ATG7: variants seen among roughly 807,000 people sequenced by gnomAD.
ATG7 encodes autophagy related 7.
In ATG7, 70 loss-of-function variants were observed where a neutral mutation model predicts 82.4. The ratio of observed to expected loss-of-function variants is 0.85; its 90% CI spans 0.70 to 1.04. The LOEUF is 1.04. Ranked by LOEUF, ATG7 falls within the 50% of genes least tolerant of loss-of-function variation. The probability of loss-of-function intolerance (pLI) is 0.00; values close to 1 mark genes in which losing one functional copy is unlikely to be tolerated. For missense variants in ATG7, 792 were observed against 864.3 expected (o/e 0.92, Z 1.05); for synonymous variants, 287 against 313.0 (o/e 0.92, Z 0.88).
chr3:11,461,073 T>G (rs912150671), intron 20 of ATG7, among the ~76,000 whole-genome samples: 1 of 152,214 alleles, frequency 6.6e-6, no homozygotes, highest in Non-Finnish European at 1.5e-5. Context: ...TGGGTCAATA[T>G]TTTAGAATTT....
At chr3:11,321,126 C>T (rs1277887644) in intron 9 of ATG7, among the ~76,000 whole-genome samples, 1 of 152,180 alleles carries the variant, frequency 6.6e-6, no homozygotes, top group Non-Finnish European at 1.5e-5. Context: ...TAGAAAAATC[C>T]ACATGTGCAC....
chr3:11,449,422 A>C (rs1050018341), intron 20 of ATG7, among the ~76,000 whole-genome samples: 1 of 152,196 alleles, frequency 6.6e-6, no homozygotes, highest in African/African-American at 2.4e-5. Flanking sequence ...AAGGCCCCAG[A>C]GTCTTCACTA....
At chr3:11,462,069 G>A (rs2086362964) in intron 20 of ATG7, among the ~76,000 whole-genome samples, 1 of 151,924 alleles carries the variant, frequency 6.6e-6, no homozygotes. Flanking sequence ...CTGAATCTAA[G>A]GGACAACTCC....
Position 11,387,030 on chromosome 3 carries a change from C to T in ATG7, c.1956+6978C>T, listed in dbSNP as rs143911108. On this transcript the variant is annotated intron_variant, in intron 19 of 20. Transcript: ENST00000693202. Reference sequence around the variant, plus strand: ...TTCCCAGGGAAATTGCAATGGCTGACGTGTATCCAGTTCCCTGTGGCCAAG... The same window carrying T: ...TTCCCAGGGAAATTGCAATGGCTGATGTGTATCCAGTTCCCTGTGGCCAAG... Among the ~76,000 whole-genome samples the T allele has an allele frequency of 6.1e-3, 933 of 152,344 alleles. 7 individuals carry two copies. The highest frequency in any genetic ancestry group is 0.02 in the African/African-American group (833 of 41,580).
intron 1 of ATG7, chr3:11,272,716 A>G (rs1940735845): frequency 6.6e-6 from 1 of 152,370 alleles, no homozygotes. Flanking sequence ...CTTGGTAGGC[A>G]GTGCTCAGAA....
intron 20 of ATG7, among the ~76,000 whole-genome samples, chr3:11,458,103 T>C (rs116235353): frequency 1.6e-4 from 24 of 152,268 alleles, no homozygotes; most frequent in African/African-American, 5.5e-4. Context: ...TGTCTTGTTT[T>C]CAAAACAGCC....
chr3:11,421,856 A>G (rs1425878660), intron 19 of ATG7, among the ~76,000 whole-genome samples: 2 of 152,240 alleles, frequency 1.3e-5, no homozygotes, highest in Non-Finnish European at 2.9e-5. Context: ...CTTAGCATGC[A>G]TGAAAACAAC....
chr3:11,416,108 G>T (rs554981459), intron 19 of ATG7, among the ~76,000 whole-genome samples: 2 of 152,238 alleles, frequency 1.3e-5, no homozygotes, highest in East Asian at 3.9e-4. Flanking sequence ...CATTGGATTC[G>T]ATTTGCTAAT....
At chr3:11,483,072 T>C (rs1435564254) in intron 20 of ATG7, among the ~76,000 whole-genome samples, 5 of 152,134 alleles carry the variant, frequency 3.3e-5, no homozygotes, top group Non-Finnish European at 7.3e-5. Flanking sequence ...ATTTAATATG[T>C]AAGAATGCAA....
intron 20 of ATG7, among the ~76,000 whole-genome samples, chr3:11,531,994 T>C (rs973165976): frequency 6.6e-6 from 1 of 152,114 alleles, no homozygotes. Context: ...CAGAATCTTC[T>C]CTTAGAAAAT....
At chr3:11,370,045 GATAAT>G (rs777192322) in intron 18 of ATG7, among the ~76,000 whole-genome samples, 2 of 151,052 alleles carry the variant, frequency 1.3e-5, no homozygotes, top group Non-Finnish European at 2.9e-5. Flanking sequence ...GTAAAATGGG[GATAAT>G]ATAATAAGCT....
At chr3:11,536,987 G>T (rs1191347340) in intron 20 of ATG7, among the ~76,000 whole-genome samples, 1 of 152,052 alleles carries the variant, frequency 6.6e-6, no homozygotes, top group Non-Finnish European at 1.5e-5. Flanking sequence ...CCATGATCTT[G>T]TCGCTTCCTG....
intron 20 of ATG7, among the ~76,000 whole-genome samples, chr3:11,475,908 C>CACACACA (rs59230356): frequency 6.9e-6 from 1 of 145,558 alleles, no homozygotes; most frequent in African/African-American, 2.6e-5. Context: ...CACACACACA[C>CACACACA]CCCCTCCCAG....
intron 19 of ATG7, among the ~76,000 whole-genome samples, chr3:11,387,264 G>A (rs1443785086): frequency 6.6e-6 from 1 of 152,226 alleles, no homozygotes; most frequent in Non-Finnish European, 1.5e-5. Context: ...TTCCGTTCAT[G>A]TCTCTTGACA....
At chr3:11,467,884 A>T (rs1397127427) in intron 20 of ATG7, among the ~76,000 whole-genome samples, 1 of 152,138 alleles carries the variant, frequency 6.6e-6, no homozygotes, top group African/African-American at 2.4e-5. Flanking sequence ...TTACCTTTGA[A>T]TTTTTTTGCC....
chr3:11,280,289 T>G (rs983098892), intron 1 of ATG7, among the ~76,000 whole-genome samples: 2 of 152,144 alleles, frequency 1.3e-5, no homozygotes, highest in African/African-American at 4.8e-5. Flanking sequence ...ATGATATTAG[T>G]CCTGCTTTTT....
At chr3:11,371,291 A>G (rs2076978314) in intron 18 of ATG7, among the ~76,000 whole-genome samples, 1 of 151,124 alleles carries the variant, frequency 6.6e-6, no homozygotes, top group Non-Finnish European at 1.5e-5. Context: ...ACAGGCAGAA[A>G]CAATGGCTGG....
At chr3:11,300,533 A>G (rs1369523467) in intron 5 of ATG7, among the ~76,000 whole-genome samples, 1 of 152,194 alleles carries the variant, frequency 6.6e-6, no homozygotes, top group Non-Finnish European at 1.5e-5. Context: ...GGTTTAGAAT[A>G]TGTTGAGTTT....
chr3:11,306,386 T>C (rs1025876242), intron 5 of ATG7, among the ~76,000 whole-genome samples: 1 of 152,178 alleles, frequency 6.6e-6, no homozygotes, highest in African/African-American at 2.4e-5. Context: ...TGCTGAGTTT[T>C]ATGTGCCAAC....
Sources: gnomAD v4.1 joint callset for allele counts (sites outside exome capture counted in the v4.1 genomes callset) on GRCh38, gnomAD v4.1.1 for gene constraint, MANE v1.5 for transcripts, NCBI Gene and HGNC (gene_info 2026-07-23, HGNC 2026-07-21) for gene names.